Variants in FRMD5 observed in about 807,000 individuals in gnomAD.
The protein encoded by FRMD5 is FERM domain-containing protein 5.
In FRMD5, 20 loss-of-function variants were observed where a neutral mutation model predicts 69.0. The observed-to-expected ratio is 0.29, with a 90% CI of 0.20 to 0.42. The LOEUF is 0.42. FRMD5 is among the 10% of genes least tolerant of loss of function. The pLI is 1.00. For missense variants in FRMD5, 595 were observed against 708.6 expected, an observed-to-expected ratio of 0.84 and a Z score of 1.82; for synonymous variants, 271 against 260.1, an observed-to-expected ratio of 1.04 and a Z score of -0.40.
chr15:44,076,872 C>T (rs1290038769), intron 1 of FRMD5, among the ~76,000 whole-genome samples: 47 of 151,988 alleles, frequency 3.1e-4, no homozygotes, highest in Admixed American at 3.1e-3. Flanking sequence ...ATCTCTCAGT[C>T]TGAGATGTCC....
intron 1 of FRMD5, among the ~76,000 whole-genome samples, chr15:43,960,185 T>C (rs945431317): frequency 3.3e-5 from 5 of 152,114 alleles, no homozygotes; most frequent in Non-Finnish European, 5.9e-5. Context: ...GCCTCTAGGG[T>C]TCATGCCATT....
At chr15:43,953,442 A>T (rs1284259458) in intron 1 of FRMD5, among the ~76,000 whole-genome samples, 1 of 152,208 alleles carries the variant, frequency 6.6e-6, no homozygotes, top group African/African-American at 2.4e-5. Flanking sequence ...CCTACTCCAC[A>T]ACCAAAAGAA....
chr15:43,942,530 C>CA (rs2089879754), intron 1 of FRMD5, among the ~76,000 whole-genome samples: 1 of 152,050 alleles, frequency 6.6e-6, no homozygotes, highest in Non-Finnish European at 1.5e-5. Context: ...CCTCTTCTCC[C>CA]AAAAAATGCA....
intron 1 of FRMD5, among the ~76,000 whole-genome samples, chr15:44,094,901 C>T (rs1222713728): frequency 1.3e-5 from 2 of 152,030 alleles, no homozygotes; most frequent in Non-Finnish European, 2.9e-5. Context: ...ATTGAAATGG[C>T]CTCTCTAGAA....
intron 1 of FRMD5, among the ~76,000 whole-genome samples, chr15:44,187,926 TATTA>T (rs1290026324): frequency 6.6e-6 from 1 of 152,148 alleles, no homozygotes; most frequent in Non-Finnish European, 1.5e-5. Context: ...GAAAAACAAT[TATTA>T]ATTTTGGAAT....
chr15:43,906,369 C>T (rs1409227665), intron 5 of FRMD5, among the ~76,000 whole-genome samples: 1 of 152,224 alleles, frequency 6.6e-6, no homozygotes, highest in African/African-American at 2.4e-5. Context: ...TCAGCCAGAT[C>T]ATAAGTCTAA....
intron 1 of FRMD5, among the ~76,000 whole-genome samples, chr15:44,175,511 G>C (rs1460217845): frequency 6.6e-6 from 1 of 152,108 alleles, no homozygotes; most frequent in Non-Finnish European, 1.5e-5. Flanking sequence ...ATATATTGCT[G>C]GTGGGAATGC....
intron 1 of FRMD5, among the ~76,000 whole-genome samples, chr15:43,959,757 T>C (rs2090167634): frequency 6.6e-6 from 1 of 152,226 alleles, no homozygotes; most frequent in Non-Finnish European, 1.5e-5. Context: ...TCTGAGATTT[T>C]TTTTTCCTAG....
intron 1 of FRMD5, among the ~76,000 whole-genome samples, chr15:44,124,213 G>A (rs540866442): frequency 6.9e-4 from 104 of 151,734 alleles, no homozygotes; most frequent in African/African-American, 2.3e-3. Context: ...GGCTGGTCCC[G>A]AACTCCTGAC....
chr15:44,083,528 C>T (rs180708496), intron 1 of FRMD5, among the ~76,000 whole-genome samples: 1 of 151,932 alleles, frequency 6.6e-6, no homozygotes. Context: ...TACACCTAGC[C>T]GAGCTTCAAC....
chr15:44,061,368 T>C (rs545120661), intron 1 of FRMD5, among the ~76,000 whole-genome samples: 2 of 152,192 alleles, frequency 1.3e-5, no homozygotes, highest in South Asian at 4.1e-4. Context: ...GTAGACAAAC[T>C]GTAATGTCCA....
chr15:43,879,006 C>T (rs2088449092), intron 13 of FRMD5, among the ~76,000 whole-genome samples: 2 of 142,742 alleles, frequency 1.4e-5, no homozygotes, highest in African/African-American at 2.6e-5. Context: ...GGTGCAATCT[C>T]GGCTCACTGC....
chr15:43,965,964 C>T (rs1352921200), intron 1 of FRMD5, among the ~76,000 whole-genome samples: 1 of 152,148 alleles, frequency 6.6e-6, no homozygotes, highest in Non-Finnish European at 1.5e-5. Context: ...ACTATATAAT[C>T]CCAGCTCAGT....
chr15:44,171,631 TG>T (rs34453089), intron 1 of FRMD5, among the ~76,000 whole-genome samples: 2 of 152,190 alleles, frequency 1.3e-5, no homozygotes, highest in South Asian at 4.1e-4. Context: ...CCAATGAGGT[TG>T]GGAATTGAAC....
chr15:44,187,466 T>TAA (rs1449549631), intron 1 of FRMD5, among the ~76,000 whole-genome samples: 1 of 152,140 alleles, frequency 6.6e-6, no homozygotes, highest in Non-Finnish European at 1.5e-5. Context: ...AGAAAAAAAC[T>TAA]AAAGACTTTA....
intron 1 of FRMD5, among the ~76,000 whole-genome samples, chr15:44,132,996 T>C (rs1375793193): frequency 6.6e-6 from 1 of 150,568 alleles, no homozygotes; most frequent in Non-Finnish European, 1.5e-5. Flanking sequence ...CTCCTGACCT[T>C]GTGATCCGCC....
chr15:44,127,283 G>C (rs960864344), intron 1 of FRMD5, among the ~76,000 whole-genome samples: 1 of 152,144 alleles, frequency 6.6e-6, no homozygotes, highest in Admixed American at 6.5e-5. Flanking sequence ...GTGGAGACAG[G>C]GTTTCGCCAT....
chr15:43,975,650 T>A (rs567663492), intron 1 of FRMD5, among the ~76,000 whole-genome samples: 1 of 152,306 alleles, frequency 6.6e-6, no homozygotes, highest in South Asian at 2.1e-4. Flanking sequence ...GGATATATCA[T>A]GTTTATAGGT....
At chr15:44,042,465 G>A (rs987728959) in intron 1 of FRMD5, among the ~76,000 whole-genome samples, 1 of 152,128 alleles carries the variant, frequency 6.6e-6, no homozygotes, top group African/African-American at 2.4e-5. Flanking sequence ...ACCTGGCAGA[G>A]ACACAACCAA....
Sources: allele counts gnomAD v4.1 joint callset (sites outside exome capture counted in the v4.1 genomes callset), GRCh38; gene constraint gnomAD v4.1.1; transcripts MANE v1.5; gene names NCBI Gene and HGNC (gene_info 2026-07-23, HGNC 2026-07-21).